SHC4: variants seen among roughly 807,000 people sequenced by gnomAD.
SHC4 encodes SHC adaptor protein 4, also known as SHC-transforming protein 4.
Under a neutral mutation model 69.4 loss-of-function variants are expected in SHC4, and 41 were observed. The observed-to-expected ratio is 0.59, with a 90% CI of 0.46 to 0.77. The LOEUF (loss-of-function observed/expected upper bound fraction) is 0.77, where lower values mean the gene tolerates loss of function less well. Ranked by LOEUF, SHC4 falls within the 30% of genes least tolerant of loss-of-function variation. The pLI is 0.00. For synonymous variants in SHC4, 318 were observed against 299.3 expected, an observed-to-expected ratio of 1.06 and a Z score of -0.64; for missense variants, 777 against 783.8, an observed-to-expected ratio of 0.99 and a Z score of 0.10.
chr15:48,909,846 G>A (rs770254495), intron 2 of SHC4, among the ~76,000 whole-genome samples: 1 of 151,962 alleles, frequency 6.6e-6, no homozygotes, highest in South Asian at 2.1e-4. Context: ...TATTTGTGTG[G>A]TGTATCACAT....
intron 1 of SHC4, among the ~76,000 whole-genome samples, chr15:48,952,652 T>C (rs1418530590): frequency 6.6e-6 from 1 of 152,198 alleles, no homozygotes; most frequent in African/African-American, 2.4e-5. Flanking sequence ...AAGACATCCA[T>C]GTGGCCAACT....
intron 1 of SHC4, among the ~76,000 whole-genome samples, chr15:48,939,051 A>G (rs749108795): frequency 1.3e-5 from 2 of 152,248 alleles, no homozygotes; most frequent in African/African-American, 2.4e-5. Flanking sequence ...GTGTGGTGCT[A>G]AGCACAGTGA....
chr15:48,827,979 T>C (rs1898720318), intron 11 of SHC4, among the ~76,000 whole-genome samples: 1 of 152,162 alleles, frequency 6.6e-6, no homozygotes, highest in Admixed American at 6.5e-5. Flanking sequence ...CCCAGCTTTA[T>C]TCACTTACAG....
chr15:48,940,833 T>A (rs1051907051), intron 1 of SHC4, among the ~76,000 whole-genome samples: 3 of 152,256 alleles, frequency 2.0e-5, no homozygotes, highest in African/African-American at 7.2e-5. Context: ...CACATGGTGA[T>A]AAACTGCTGA....
chr15:48,860,371 G>A (rs1899418569), intron 6 of SHC4, among the ~76,000 whole-genome samples: 1 of 152,092 alleles, frequency 6.6e-6, no homozygotes, highest in Non-Finnish European at 1.5e-5. Context: ...GCTGGGCATG[G>A]TGGCAGGTGC....
chr15:48,868,749 A>G (rs1899610347), intron 5 of SHC4, among the ~76,000 whole-genome samples: 1 of 152,222 alleles, frequency 6.6e-6, no homozygotes, highest in Non-Finnish European at 1.5e-5. Context: ...CCCACAATGA[A>G]TCACACAGGA....
chr15:48,878,455 C>G, intron 4 of SHC4: 1 of 1,613,368 alleles, frequency 6.2e-7, no homozygotes, highest in Non-Finnish European at 8.5e-7. Context: ...GCGCAGACTT[C>G]GAGAGCGAGG....
chr15:48,840,561 G>A (rs2140971403), intron 10 of SHC4, among the ~76,000 whole-genome samples: 1 of 152,254 alleles, frequency 6.6e-6, no homozygotes, highest in East Asian at 1.9e-4. Flanking sequence ...AGGCAGGAAG[G>A]AAGAAAATAG....
chr15:48,957,208 C>T (rs1159773112), intron 1 of SHC4, among the ~76,000 whole-genome samples: 1 of 152,026 alleles, frequency 6.6e-6, no homozygotes, highest in African/African-American at 2.4e-5. Flanking sequence ...GAACTCCTGA[C>T]CTCAAGTGAT....
chr15:48,883,338 A>G (rs191894793), intron 4 of SHC4, among the ~76,000 whole-genome samples: 13 of 152,340 alleles, frequency 8.5e-5, no homozygotes, highest in Admixed American at 4.6e-4. Context: ...ACTGATGAGG[A>G]AAACTGAAGC....
At chr15:48,931,294 C>T (rs1014699855) in intron 1 of SHC4, among the ~76,000 whole-genome samples, 3 of 152,188 alleles carry the variant, frequency 2.0e-5, no homozygotes, top group African/African-American at 4.8e-5. Flanking sequence ...CAGTCTCTAG[C>T]ATGTACACTC....
chr15:48,856,100 A>G lies in SHC4; in HGVS notation c.1095T>C (p.His365=), dbSNP rs754901951. The part of the protein sequence containing the change: ...CESEEVHIDS[H]AEEREDHEYY... ...ATTCATGATCTTCTCTCTCCTCGGCATGGCTATCAATATGCACCTCCTCAC... is the reference window on the plus strand; with the variant it reads ...ATTCATGATCTTCTCTCTCCTCGGCGTGGCTATCAATATGCACCTCCTCAC... The change falls in exon 8 of 12, where the codon CAT becomes CAC. Residue 365 remains histidine, a synonymous_variant. Transcript: ENST00000332408. The G allele has an allele frequency of 6.2e-7, 1 of 1,613,362 alleles. No individual in the cohort carries two copies. Among genetic ancestry groups the G allele is most frequent in the East Asian group, 2.2e-5 (1 of 44,882 alleles).
chr15:48,859,968 A>C (rs1487499718), intron 6 of SHC4, among the ~76,000 whole-genome samples: 1 of 152,076 alleles, frequency 6.6e-6, no homozygotes, highest in Non-Finnish European at 1.5e-5. Context: ...CAGGGGTTGC[A>C]GGCTCTAGTG....
At chr15:48,936,150 G>A (rs1336909244) in intron 1 of SHC4, among the ~76,000 whole-genome samples, 1 of 152,058 alleles carries the variant, frequency 6.6e-6, no homozygotes, top group Admixed American at 6.6e-5. Context: ...GATTGAATTT[G>A]AATATATATT....
intron 3 of SHC4, among the ~76,000 whole-genome samples, chr15:48,887,604 A>G (rs1355460623): frequency 1.3e-5 from 2 of 152,202 alleles, no homozygotes; most frequent in Non-Finnish European, 2.9e-5. Flanking sequence ...TTAAGGAACT[A>G]GAAAAAAACA....
intron 3 of SHC4, among the ~76,000 whole-genome samples, chr15:48,886,784 G>A (rs968656123): frequency 1.3e-5 from 2 of 152,188 alleles, no homozygotes; most frequent in African/African-American, 2.4e-5. Context: ...CAATTTTGCT[G>A]TAGGATTTCT....
intron 2 of SHC4, among the ~76,000 whole-genome samples, chr15:48,923,027 G>T (rs890329080): frequency 6.6e-6 from 1 of 152,186 alleles, no homozygotes; most frequent in Admixed American, 6.5e-5. Context: ...CCTCTGCCAT[G>T]TGCCAGTGAC....
chr15:48,895,647 T>C (rs1036132751), intron 2 of SHC4, among the ~76,000 whole-genome samples: 1 of 152,026 alleles, frequency 6.6e-6, no homozygotes, highest in African/African-American at 2.4e-5. Flanking sequence ...GGCAAACACA[T>C]ATGAGTGTGC....
At chr15:48,831,107 A>G (rs1898791545) in intron 11 of SHC4, among the ~76,000 whole-genome samples, 1 of 152,180 alleles carries the variant, frequency 6.6e-6, no homozygotes, top group Non-Finnish European at 1.5e-5. Flanking sequence ...GAATAAGGAT[A>G]TAAAGAAAGA....
Sources: gnomAD v4.1 joint callset for allele counts (sites outside exome capture counted in the v4.1 genomes callset) on GRCh38, gnomAD v4.1.1 for gene constraint, MANE v1.5 for transcripts, NCBI Gene and HGNC (gene_info 2026-07-23, HGNC 2026-07-21) for gene names.